The following PAM variants were observed in gnomAD, a reference collection of about 807,000 sequenced individuals.
PAM encodes the protein peptidylglycine alpha-amidating monooxygenase, also known as peptidyl-glycine alpha-amidating monooxygenase.
A neutral mutation model predicts 122.1 loss-of-function variants in PAM; 72 were observed. That is an observed-to-expected ratio of 0.59 (90% CI 0.49 to 0.72). The LOEUF (loss-of-function observed/expected upper bound fraction) is 0.72, where lower values mean the gene tolerates loss of function less well. PAM is among the 30% of genes least tolerant of loss of function. The pLI, the probability that PAM is intolerant of heterozygous loss-of-function variation, is 0.00. For synonymous variants in PAM, 389 were observed against 404.4 expected (o/e 0.96, Z 0.46); for missense variants, 1,106 against 1,183.7 (o/e 0.93, Z 0.96).
intron 25 of PAM, among the ~76,000 whole-genome samples, 181 bp from the exon 26 acceptor site, chr5:103,028,703 CTTT>C (rs551807877): frequency 6.4e-4 from 97 of 152,260 alleles, no homozygotes; most frequent in Non-Finnish European, 9.9e-4. Flanking sequence ...TGTTTTTCTT[CTTT>C]AATAGTAGCA....
intron 3 of PAM, among the ~76,000 whole-genome samples, chr5:102,882,055 ATATATAT>A (rs1791343779): frequency 9.7e-4 from 2 of 2,060 alleles, no homozygotes; most frequent in African/African-American, 5.9e-3. Context: ...ATCGTGGAAT[ATATATAT>A]ATATATATAT....
At chr5:102,964,341 CACAA>C (rs2150296977) in intron 14 of PAM, among the ~76,000 whole-genome samples, 1 of 152,042 alleles carries the variant, frequency 6.6e-6, no homozygotes, top group African/African-American at 2.4e-5. Flanking sequence ...TGTGCTTTCT[CACAA>C]ACACACTAAC....
chr5:102,907,370 A>T (rs1298594329), intron 4 of PAM, among the ~76,000 whole-genome samples: 1 of 151,208 alleles, frequency 6.6e-6, no homozygotes, highest in Non-Finnish European at 1.5e-5. Flanking sequence ...CCAGTCTATC[A>T]TTGTTGGACA....
chr5:103,015,869 C>T (rs558490827), intron 21 of PAM, among the ~76,000 whole-genome samples: 1 of 152,252 alleles, frequency 6.6e-6, no homozygotes, highest in African/African-American at 2.4e-5. Flanking sequence ...AAGCAAAGTT[C>T]TTAGCCAGTG....
At chr5:102,998,100 T>A (rs1776261426) in intron 16 of PAM, among the ~76,000 whole-genome samples, 1 of 152,222 alleles carries the variant, frequency 6.6e-6, no homozygotes, top group African/African-American at 2.4e-5. Context: ...AAGAAATGCT[T>A]TAAGTTACAG....
At chr5:102,858,282 A>G (rs1783169311) in intron 1 of PAM, among the ~76,000 whole-genome samples, 1 of 152,220 alleles carries the variant, frequency 6.6e-6, no homozygotes, top group South Asian at 2.1e-4. Flanking sequence ...CTTCATCTTA[A>G]TGAGCCACAT....
intron 15 of PAM, among the ~76,000 whole-genome samples, chr5:102,977,547 C>T (rs1768088171): frequency 6.6e-6 from 1 of 151,872 alleles, no homozygotes; most frequent in Non-Finnish European, 1.5e-5. Flanking sequence ...CAGAAACTTC[C>T]TGGACAAGTT....
chr5:102,993,261 G>T (rs961500263), intron 16 of PAM, among the ~76,000 whole-genome samples: 1 of 152,030 alleles, frequency 6.6e-6, no homozygotes, highest in Non-Finnish European at 1.5e-5. Flanking sequence ...CTGGTGTTAG[G>T]GCAGCATGGC....
At chr5:102,872,561 A>C (rs1408729395) in intron 3 of PAM, among the ~76,000 whole-genome samples, 1 of 152,186 alleles carries the variant, frequency 6.6e-6, no homozygotes, top group East Asian at 1.9e-4. Context: ...ATAATCTGTA[A>C]AAAGAACCCA....
intron 16 of PAM, among the ~76,000 whole-genome samples, chr5:102,994,632 T>C (rs1775111722): frequency 6.6e-6 from 1 of 152,184 alleles, no homozygotes; most frequent in Admixed American, 6.6e-5. Flanking sequence ...GTAGAATTTG[T>C]AATCTATGAA....
chr5:102,902,839 G>A (rs552103217), intron 4 of PAM, among the ~76,000 whole-genome samples: 3 of 151,476 alleles, frequency 2.0e-5, no homozygotes, highest in Non-Finnish European at 4.4e-5. Flanking sequence ...TGGTAGTCAT[G>A]TGTTACAGCA....
intron 23 of PAM, among the ~76,000 whole-genome samples, chr5:103,020,940 A>G (rs980416413): frequency 5.9e-5 from 9 of 152,176 alleles, no homozygotes; most frequent in African/African-American, 2.2e-4. Flanking sequence ...CTCATATACT[A>G]AAGAAGGTTC....
chr5:102,794,918 G>T (rs905660627), intron 1 of PAM, among the ~76,000 whole-genome samples: 1 of 151,562 alleles, frequency 6.6e-6, no homozygotes, highest in Non-Finnish European at 1.5e-5. Context: ...GGCCAGGTGC[G>T]GTGGCTCACA....
intron 1 of PAM, among the ~76,000 whole-genome samples, chr5:102,801,827 G>A (rs1764801524): frequency 1.5e-5 from 2 of 132,262 alleles, no homozygotes; most frequent in Admixed American, 8.8e-5. Flanking sequence ...CGCCCAGGCT[G>A]GAGTGCAGTG....
chr5:102,870,422 A>T (rs2150997371), intron 3 of PAM, among the ~76,000 whole-genome samples: 1 of 152,264 alleles, frequency 6.6e-6, no homozygotes, highest in Middle Eastern at 3.4e-3. Flanking sequence ...TACAGATGGA[A>T]TACAAGCCTA....
intron 15 of PAM, 137 bp downstream of exon 15, chr5:102,974,573 G>T: frequency 1.7e-6 from 1 of 592,884 alleles, no homozygotes. Flanking sequence ...AAATTACTCA[G>T]ATTTGGGCTA....
chr5:102,959,829 G>A, intron 12 of PAM, 46 bp from the exon 13 acceptor site: 1 of 1,369,382 alleles, frequency 7.3e-7, no homozygotes, highest in Non-Finnish European at 1.0e-6. Flanking sequence ...TTAAGCATGT[G>A]TTTTATGTGA....
intron 1 of PAM, among the ~76,000 whole-genome samples, chr5:102,805,190 C>T (rs945243799): frequency 6.6e-6 from 1 of 151,130 alleles, no homozygotes; most frequent in Non-Finnish European, 1.5e-5. Flanking sequence ...CCTGCCTCAA[C>T]CTCCTGAGTA....
At chr5:102,819,710 A>C (rs551068544) in intron 1 of PAM, among the ~76,000 whole-genome samples, 1 of 152,252 alleles carries the variant, frequency 6.6e-6, no homozygotes, top group East Asian at 1.9e-4. Context: ...GGCCAGTACT[A>C]TATATAGGGA....
Sources: allele counts gnomAD v4.1 joint callset (sites outside exome capture counted in the v4.1 genomes callset), GRCh38; gene constraint gnomAD v4.1.1; transcripts MANE v1.5; gene names NCBI Gene and HGNC (gene_info 2026-07-23, HGNC 2026-07-21).